The following CALN1 variants were observed in gnomAD, a reference collection of about 807,000 sequenced individuals.
The protein encoded by CALN1 is calcium-binding protein 8.
CALN1 carries 17 observed loss-of-function variants against 30.6 expected under a neutral mutation model. The ratio of observed to expected loss-of-function variants is 0.56; its 90% CI spans 0.38 to 0.83. CALN1 has a LOEUF of 0.83. Ranked by LOEUF, CALN1 falls within the 40% of genes least tolerant of loss-of-function variation. CALN1 has a pLI of 0.00. For synonymous variants in CALN1, 156 were observed against 131.4 expected (o/e 1.19, Z -1.28); for missense variants, 291 against 354.9 (o/e 0.82, Z 1.45).
chr7:72,323,916 C>A (rs893987656), intron 2 of CALN1, among the ~76,000 whole-genome samples: 1 of 151,826 alleles, frequency 6.6e-6, no homozygotes, highest in African/African-American at 2.4e-5. Flanking sequence ...CTGTGGCACA[C>A]GTCTATAGTC....
At chr7:71,806,637 G>A (rs1017823151) in intron 6 of CALN1, among the ~76,000 whole-genome samples, 2 of 152,142 alleles carry the variant, frequency 1.3e-5, no homozygotes, top group African/African-American at 4.8e-5. Flanking sequence ...AATTTGAACA[G>A]TATAAAACAT....
chr7:72,274,354 A>G (rs149881082), intron 3 of CALN1, among the ~76,000 whole-genome samples: 3,545 of 152,170 alleles, frequency 0.023, 137 homozygotes, highest in African/African-American at 0.08. Context: ...CTGAAAACAC[A>G]AAAATTAGTC....
chr7:72,364,463 C>T (rs1467578821), intron 2 of CALN1, among the ~76,000 whole-genome samples: 1 of 152,138 alleles, frequency 6.6e-6, no homozygotes, highest in Non-Finnish European at 1.5e-5. Flanking sequence ...TAGTATTTGT[C>T]TCTATACCTC....
At chr7:72,111,079 G>C (rs1157324648) in intron 3 of CALN1, among the ~76,000 whole-genome samples, 1 of 152,186 alleles carries the variant, frequency 6.6e-6, no homozygotes, top group Non-Finnish European at 1.5e-5. Flanking sequence ...CCAGGGCTAC[G>C]TGAGCACGCT....
intron 2 of CALN1, among the ~76,000 whole-genome samples, chr7:72,369,343 TATAA>T (rs1463209947): frequency 1.2e-4 from 15 of 126,018 alleles, no homozygotes; most frequent in African/African-American, 3.4e-4. Flanking sequence ...TTATAAATAT[TATAA>T]ATATTTATTT....
At chr7:72,139,306 C>T (rs1472046590) in intron 3 of CALN1, among the ~76,000 whole-genome samples, 1 of 151,970 alleles carries the variant, frequency 6.6e-6, no homozygotes, top group African/African-American at 2.4e-5. Flanking sequence ...CACACCCACC[C>T]TCTTCTACCC....
At chr7:72,447,958 G>A (rs560552358), upstream of CALN1, among the ~76,000 whole-genome samples, 76 of 133,962 alleles carry the variant, frequency 5.7e-4, no homozygotes, top group Non-Finnish European at 1.0e-3. Context: ...GCCTGCCTAG[G>A]TATACACATG....
intron 2 of CALN1, among the ~76,000 whole-genome samples, chr7:72,349,131 G>C (rs1206354966): frequency 1.3e-5 from 2 of 152,090 alleles, no homozygotes; most frequent in Non-Finnish European, 2.9e-5. Context: ...AAGTGAGTTT[G>C]AAAAAATAGA....
At position 71,939,403 on chromosome 7, in the gene CALN1, C is replaced by CAAA. The variant is rs56368426; in HGVS notation, c.501+84251_501+84253dup. On this transcript the variant is annotated intron_variant, in intron 5 of 6. Transcript: ENST00000395275. ...TGAAACCCCACCTCTACTAAAAATA[C>CAAA]AAAAAAAAAAAAAAAAAAAGTTGGC... Among the ~76,000 whole-genome samples the CAAA allele has an allele frequency of 8.3e-3, 870 of 105,426 alleles. 15 individuals carry two copies. Among genetic ancestry groups the CAAA allele is most frequent in the African/African-American group, 0.03 (762 of 25,196 alleles). The allele number at this position is 105,426 out of a possible 152,430, so 69.2% of individuals were successfully genotyped here.
At chr7:72,468,185 G>A in the CALN1 span, among the ~76,000 whole-genome samples, 1 of 152,154 alleles carries the variant, frequency 6.6e-6, no homozygotes, top group East Asian at 1.9e-4. Flanking sequence ...TTTAGCCATT[G>A]TGAATAGTAC....
chr7:72,034,366 A>AG (rs959281749), intron 4 of CALN1, among the ~76,000 whole-genome samples: 16 of 150,986 alleles, frequency 1.1e-4, no homozygotes, highest in South Asian at 4.2e-4. Context: ...AAAAAAAAAA[A>AG]AAAAGAAAAG....
intron 4 of CALN1, among the ~76,000 whole-genome samples, chr7:72,054,544 C>CACAT (rs1385206841): frequency 3.2e-5 from 3 of 95,048 alleles, no homozygotes; most frequent in African/African-American, 9.8e-5. Context: ...TATATATATA[C>CACAT]ATATATATAT....
intron 4 of CALN1, among the ~76,000 whole-genome samples, chr7:72,100,126 A>T (rs945265331): frequency 1.3e-5 from 2 of 150,304 alleles, no homozygotes; most frequent in African/African-American, 4.9e-5. Flanking sequence ...GGGGCCGAAG[A>T]CGCTTAAATC....
intron 5 of CALN1, among the ~76,000 whole-genome samples, chr7:71,907,573 T>A (rs545421909): frequency 6.6e-6 from 1 of 152,322 alleles, no homozygotes; most frequent in African/African-American, 2.4e-5. Flanking sequence ...TGGAGCAAAC[T>A]ATTTAACTTC....
At chr7:72,330,550 C>CTCCAATTTTATT (rs1025643464) in intron 2 of CALN1, among the ~76,000 whole-genome samples, 1 of 151,464 alleles carries the variant, frequency 6.6e-6, no homozygotes, top group African/African-American at 2.4e-5. Flanking sequence ...CAATTATATC[C>CTCCAATTTTATT]TCCAATTTTA....
chr7:72,309,402 G>T (rs535874781), intron 2 of CALN1, among the ~76,000 whole-genome samples: 2 of 152,110 alleles, frequency 1.3e-5, no homozygotes, highest in Non-Finnish European at 2.9e-5. Flanking sequence ...AAGGAACTCA[G>T]GAATGGACCC....
At chr7:72,392,846 T>A (rs1035596705) in intron 2 of CALN1, among the ~76,000 whole-genome samples, 1 of 142,106 alleles carries the variant, frequency 7.0e-6, no homozygotes, top group Non-Finnish European at 1.5e-5. Context: ...AAAAAAAAAA[T>A]TAATTAGCCA....
At chr7:72,385,029 C>T (rs138557960) in intron 2 of CALN1, among the ~76,000 whole-genome samples, 32 of 152,174 alleles carry the variant, frequency 2.1e-4, no homozygotes, top group African/African-American at 4.1e-4. Context: ...AAAAAATATA[C>T]GGATGGCAAG....
At chr7:72,080,082 C>A (rs993673067) in intron 4 of CALN1, among the ~76,000 whole-genome samples, 8 of 152,080 alleles carry the variant, frequency 5.3e-5, no homozygotes, top group African/African-American at 1.9e-4. Context: ...AAGAGGTTGC[C>A]TTTTGACATC....
Sources: allele counts gnomAD v4.1 joint callset (sites outside exome capture counted in the v4.1 genomes callset), GRCh38; gene constraint gnomAD v4.1.1; transcripts MANE v1.5; gene names NCBI Gene and HGNC (gene_info 2026-07-23, HGNC 2026-07-21).